The following GRIN2A variants were observed in gnomAD, a reference collection of about 807,000 sequenced individuals.
GRIN2A encodes glutamate ionotropic receptor NMDA type subunit 2A.
In GRIN2A, 22 loss-of-function variants were observed where a neutral mutation model predicts 113.4. The observed-to-expected ratio is 0.19, with a 90% confidence interval of 0.14 to 0.28. The LOEUF is 0.28. GRIN2A is among the 10% of genes least tolerant of loss of function. The pLI is 1.00. For missense variants in GRIN2A, 1,502 were observed against 1,887.0 expected (o/e 0.80, Z 3.78); for synonymous variants, 827 against 738.4 (o/e 1.12, Z -1.94).
intron 2 of GRIN2A, among the ~76,000 whole-genome samples, chr16:10,128,783 T>C (rs142924129): frequency 3.3e-5 from 5 of 152,210 alleles, no homozygotes; most frequent in Non-Finnish European, 1.5e-5. Context: ...ATCCATGAGA[T>C]AGCTGAGAAG....
chr16:10,168,984 T>C (rs75274490), intron 2 of GRIN2A, among the ~76,000 whole-genome samples: 26 of 84,910 alleles, frequency 3.1e-4, no homozygotes, highest in Non-Finnish European at 4.5e-4. Context: ...ACAATAATAA[T>C]AATAATAATA....
chr16:9,962,485 T>C (rs1006206681), intron 2 of GRIN2A, among the ~76,000 whole-genome samples: 22 of 152,014 alleles, frequency 1.4e-4, no homozygotes, highest in Non-Finnish European at 2.4e-4. Context: ...AACAAGACAT[T>C]TATGCAGCCA....
intron 4 of GRIN2A, among the ~76,000 whole-genome samples, chr16:9,884,655 C>T (rs996958957): frequency 2.6e-5 from 4 of 151,734 alleles, no homozygotes; most frequent in Admixed American, 1.3e-4. Context: ...GTAGTTCAGC[C>T]TAGAGCAATC....
intron 2 of GRIN2A, among the ~76,000 whole-genome samples, chr16:10,136,460 G>C (rs1457371679): frequency 2.6e-5 from 4 of 152,132 alleles, no homozygotes. Context: ...GCCAATTTAG[G>C]ATGCAAGAGG....
intron 3 of GRIN2A, among the ~76,000 whole-genome samples, chr16:9,932,180 C>T (rs1200590874): frequency 6.6e-6 from 1 of 152,172 alleles, no homozygotes. Flanking sequence ...AACCTCAGAG[C>T]AAACAATAGA....
At chr16:10,049,309 T>C (rs1465863675) in intron 2 of GRIN2A, among the ~76,000 whole-genome samples, 2 of 152,184 alleles carry the variant, frequency 1.3e-5, no homozygotes, top group East Asian at 3.9e-4. Flanking sequence ...TGCTAAGCAT[T>C]TTAGACTCAT....
At chr16:10,038,166 C>A (rs2047069803) in intron 2 of GRIN2A, among the ~76,000 whole-genome samples, 1 of 152,196 alleles carries the variant, frequency 6.6e-6, no homozygotes, top group African/African-American at 2.4e-5. Context: ...GGTCAGCTTC[C>A]TGGATTACAG....
chr16:9,927,898 T>C (rs1295368920), intron 3 of GRIN2A, among the ~76,000 whole-genome samples: 1 of 152,328 alleles, frequency 6.6e-6, no homozygotes, highest in East Asian at 1.9e-4. Context: ...CATGGAAAAC[T>C]GGGCAGTGTG....
chr16:9,950,201 T>G (rs1255427285), intron 2 of GRIN2A, among the ~76,000 whole-genome samples: 1 of 152,186 alleles, frequency 6.6e-6, no homozygotes, highest in Non-Finnish European at 1.5e-5. Flanking sequence ...CAGAGATGAC[T>G]GAGGGCTCTT....
intron 2 of GRIN2A, among the ~76,000 whole-genome samples, chr16:10,059,406 G>A (rs1421611312): frequency 6.6e-6 from 1 of 152,038 alleles, no homozygotes; most frequent in Non-Finnish European, 1.5e-5. Flanking sequence ...ACTTGATCCA[G>A]GGCTGGGGCT....
At chr16:9,926,344 A>C (rs1434456019) in intron 3 of GRIN2A, among the ~76,000 whole-genome samples, 1 of 152,204 alleles carries the variant, frequency 6.6e-6, no homozygotes, top group South Asian at 2.1e-4. Flanking sequence ...TGTGGGCAAA[A>C]GATTAGAGGC....
At chr16:9,974,522 G>T (rs570637160) in intron 2 of GRIN2A, among the ~76,000 whole-genome samples, 1 of 152,132 alleles carries the variant, frequency 6.6e-6, no homozygotes, top group Non-Finnish European at 1.5e-5. Flanking sequence ...CCCTTAAAAG[G>T]GACAGGAATT....
At chr16:10,041,905 G>C (rs1567256038) in intron 2 of GRIN2A, among the ~76,000 whole-genome samples, 1 of 152,138 alleles carries the variant, frequency 6.6e-6, no homozygotes, top group East Asian at 1.9e-4. Flanking sequence ...TACTTTATTT[G>C]TTCCTTTCCA....
Position 9,880,500 on chromosome 16 carries a change from G to C in GRIN2A, c.1122+10486C>G, listed in dbSNP as rs575109202. Reference sequence around the variant, plus strand: ...TGAGGCTCGCCCCAATAATCTCCTTGTTGAGTAATTCAAAGTCAACTGAGA... The same window carrying C: ...TGAGGCTCGCCCCAATAATCTCCTTCTTGAGTAATTCAAAGTCAACTGAGA... On this transcript the variant is annotated intron_variant, in intron 4 of 12. Coordinates refer to ENST00000330684, the MANE Select transcript of GRIN2A (RefSeq NM_001134407.3). Among the ~76,000 whole-genome samples the C allele has an allele frequency of 6.6e-5, 10 of 152,288 alleles. No individual in the cohort carries two copies. The South Asian group carries it at 2.1e-3, about 32-fold the overall frequency.
intron 4 of GRIN2A, among the ~76,000 whole-genome samples, chr16:9,862,059 G>A (rs1001776566): frequency 3.3e-5 from 5 of 152,184 alleles, no homozygotes; most frequent in Admixed American, 6.5e-5. Flanking sequence ...TTCAACCAGC[G>A]TCCTAGAGTC....
chr16:10,068,587 C>A (rs1193326408), intron 2 of GRIN2A, among the ~76,000 whole-genome samples: 6 of 152,202 alleles, frequency 3.9e-5, no homozygotes, highest in African/African-American at 1.4e-4. Flanking sequence ...CTCCATGATC[C>A]AAACACTTCC....
At chr16:9,793,753 ATATG>A (rs774416963) in intron 11 of GRIN2A, among the ~76,000 whole-genome samples, 2 of 152,134 alleles carry the variant, frequency 1.3e-5, no homozygotes, top group African/African-American at 4.8e-5. Context: ...CTAAGAATAT[ATATG>A]TATGTATATA....
At chr16:9,829,008 A>G (rs2141310844) in intron 9 of GRIN2A, among the ~76,000 whole-genome samples, 2 of 152,258 alleles carry the variant, frequency 1.3e-5, no homozygotes, top group East Asian at 3.9e-4. Context: ...TTTTCAGGTC[A>G]TAGATGAGGT....
intron 2 of GRIN2A, among the ~76,000 whole-genome samples, chr16:10,168,975 C>CAACAATAAT (rs937241240): frequency 7.1e-6 from 1 of 141,550 alleles, no homozygotes; most frequent in Non-Finnish European, 1.5e-5. Context: ...CAAATAATAA[C>CAACAATAAT]AATAATAATA....
Sources: allele counts gnomAD v4.1 joint callset (sites outside exome capture counted in the v4.1 genomes callset), GRCh38; gene constraint gnomAD v4.1.1; transcripts MANE v1.5; gene names NCBI Gene and HGNC (gene_info 2026-07-23, HGNC 2026-07-21).